The following VHL variants were observed in gnomAD, a reference collection of about 807,000 sequenced individuals.
The protein encoded by VHL is von Hippel-Lindau disease tumor suppressor.
In VHL, 10 loss-of-function variants were observed where a neutral mutation model predicts 19.2. The ratio of observed to expected loss-of-function variants is 0.52; its 90% CI spans 0.32 to 0.89. The LOEUF (loss-of-function observed/expected upper bound fraction) is 0.89, where lower values mean the gene tolerates loss of function less well. Ranked by LOEUF, VHL falls within the 40% of genes least tolerant of loss-of-function variation. The probability of loss-of-function intolerance (pLI) is 0.03; values close to 1 mark genes in which losing one functional copy is unlikely to be tolerated. For synonymous variants in VHL, 167 were observed against 129.5 expected, an observed-to-expected ratio of 1.29 and a Z score of -1.97; for missense variants, 328 against 292.7, an observed-to-expected ratio of 1.12 and a Z score of -0.88.
chr3:10,149,195 C>T (rs1331857457), intron 2 of VHL, among the ~76,000 whole-genome samples: 1 of 151,826 alleles, frequency 6.6e-6, no homozygotes, highest in African/African-American at 2.4e-5. Context: ...TCACTGCAAC[C>T]TCTGCCTCCA....
In VHL at chr3:10,152,703, G is replaced by C. The variant is rs886057745; in HGVS notation, c.*2738G>C. ...GACGGGGTTTCACCATGTTGTCCAG[G>C]ATGGTCTTGATCTCCTGACCTTGTG... On this transcript the variant is annotated 3_prime_UTR_variant, in exon 3 of 3. Coordinates refer to ENST00000256474, the MANE Select transcript of VHL (RefSeq NM_000551.4). Among the ~76,000 whole-genome samples the C allele has an allele frequency of 6.6e-6, 1 of 151,304 alleles. No homozygotes were observed. The highest frequency in any genetic ancestry group is 1.5e-5 in the Non-Finnish European group (1 of 67,872).
At position 10,153,145 on chromosome 3, in the gene VHL, G is replaced by A. The variant is rs1287465321; in HGVS notation, c.*3180G>A. On this transcript the variant is annotated 3_prime_UTR_variant, in exon 3 of 3. Transcript: ENST00000256474. ...TAGAAAAAATTAGGCGGGCGTGGTGGTGAGCGCCTGTAGTCCCAGCTACTC... is the reference window on the plus strand; with the variant it reads ...TAGAAAAAATTAGGCGGGCGTGGTGATGAGCGCCTGTAGTCCCAGCTACTC... Among the ~76,000 whole-genome samples, 3 of 152,148 alleles carry A rather than the reference G, an allele frequency of 2.0e-5. No homozygotes were observed. The highest frequency in any genetic ancestry group is 4.4e-5 in the Non-Finnish European group (3 of 68,022).
At chr3:10,148,395 AG>A (rs1696317202) in intron 2 of VHL, among the ~76,000 whole-genome samples, 1 of 144,882 alleles carries the variant, frequency 6.9e-6, no homozygotes, top group Non-Finnish European at 1.5e-5. Flanking sequence ...GCTCACTGCA[AG>A]CTCCGCCTCC....
In VHL at chr3:10,147,782, A is replaced by C. The variant is rs149698596; in HGVS notation, c.463+1146A>C. ...AACTGATGTTCCTGTGGGTAAAAAA[A>C]ACCTCACTAAAGACCAGCAGTGTGT... On this transcript the variant is annotated intron_variant, in intron 2 of 2. Transcript: ENST00000256474. Among the ~76,000 whole-genome samples the C allele has an allele frequency of 6.6e-5, 10 of 152,138 alleles. No homozygotes were observed. In the East Asian group the frequency reaches 1.9e-3, roughly 29 times the overall value.
At position 10,141,965 on chromosome 3, in the gene VHL, C is replaced by A. The variant is rs776399733; in HGVS notation, c.118C>A (p.Pro40Thr). ...GGAGTCGGGCGCCGAGGAGTCCGGC[C>A]CGGAAGAGTCCGGCCCGGAGGAACT... is the stretch of plus-strand genomic sequence containing the variant. ...GEESGAEESG[P>T]EESGPEELGA... The change falls in exon 1 of 3, where the codon CCG (proline) becomes ACG (threonine). Residue 40 changes from proline to threonine, a missense_variant. Coordinates refer to ENST00000256474, the MANE Select transcript of VHL (RefSeq NM_000551.4). The A allele has an allele frequency of 1.9e-6, 3 of 1,553,930 alleles. No homozygotes were observed. The highest frequency in any genetic ancestry group is 2.6e-6 in the Non-Finnish European group (3 of 1,149,804).
rs1696451761 is a variant in VHL, at chr3:10,152,967, A to G, written c.*3002A>G. On this transcript the variant is annotated 3_prime_UTR_variant, in exon 3 of 3. Transcript: ENST00000256474. The stretch of plus-strand genomic sequence containing the variant: ...AGACCAGCCTGGCTAACATGGTGAA[A>G]CCTCATCTCCACTTAAAATACAAAA... 6.7e-6 allele frequency among the ~76,000 whole-genome samples: 1 copy of G among 148,750 alleles called. No homozygotes were observed. Among genetic ancestry groups the G allele is most frequent in the African/African-American group, 2.5e-5 (1 of 40,110 alleles).
In VHL at chr3:10,150,772, T is replaced by A. The variant is rs1387284675; in HGVS notation, c.*807T>A. On this transcript the variant is annotated 3_prime_UTR_variant, in exon 3 of 3. Coordinates refer to ENST00000256474, the MANE Select transcript of VHL (RefSeq NM_000551.4). ...TCCGCACAGAAAATACGAGAAAATCTGCATGTTTGATTATAGTATTAATGG... is the reference window on the plus strand; with the variant it reads ...TCCGCACAGAAAATACGAGAAAATCAGCATGTTTGATTATAGTATTAATGG... The A allele has an allele frequency of 4.3e-6, 1 of 233,156 alleles. No individual in the cohort carries two copies. Among genetic ancestry groups the A allele is most frequent in the African/African-American group, 2.2e-5 (1 of 45,346 alleles). The allele number at this position is 233,156 out of a possible 1,614,324, so 14.4% of individuals were successfully genotyped here.
Position 10,141,851 on chromosome 3 carries a change from C to T in VHL, c.4C>T (p.Pro2Ser), listed in dbSNP as rs1034974221. 6.5e-6 allele frequency: 10 copies of T among 1,535,440 alleles called. No individual in the cohort carries two copies. Among genetic ancestry groups the T allele is most frequent in the Admixed American group, 2.0e-5 (1 of 49,222 alleles). Residue 2 changes from proline (P) to serine (S), a missense_variant, in exon 1 of 3, where the codon CCC becomes TCC. Pro to Ser is a moderately conservative substitution (Grantham distance 74). Coordinates refer to ENST00000256474, the MANE Select transcript of VHL (RefSeq NM_000551.4). Reference sequence around the variant, plus strand: ...GGTGGTCTGGATCGCGGAGGGAATGCCCCGGAGGGCGGAGAACTGGGACGA... The same window carrying T: ...GGTGGTCTGGATCGCGGAGGGAATGTCCCGGAGGGCGGAGAACTGGGACGA... Reference protein sequence around the residue: MPRRAENWDEAE... With the variant: MSRRAENWDEAE...
Position 10,141,821 on chromosome 3 carries a change from G to A in VHL, c.-27G>A, listed in dbSNP as rs771880989. On this transcript the variant is annotated 5_prime_UTR_variant, in exon 1 of 3. Transcript: ENST00000256474. The stretch of plus-strand genomic sequence containing the variant: ...CGACCCGCGGATCCCGCGGCGTCCG[G>A]CCCGGGTGGTCTGGATCGCGGAGGG... The A allele has an allele frequency of 5.9e-6, 9 of 1,536,680 alleles. No homozygotes were observed. The highest frequency in any genetic ancestry group is 4.6e-4 in the Middle Eastern group (2 of 4,344).
chr3:10,148,518 T>G (rs1016149455), intron 2 of VHL, among the ~76,000 whole-genome samples: 5 of 150,662 alleles, frequency 3.3e-5, no homozygotes, highest in South Asian at 2.1e-4. Context: ...GTTTCACCGT[T>G]TTAGCCGGGA....
intron 2 of VHL, among the ~76,000 whole-genome samples, chr3:10,147,211 C>T (rs779824452): frequency 5.3e-5 from 8 of 151,898 alleles, no homozygotes; most frequent in Non-Finnish European, 1.0e-4. Context: ...GGGGTTTCAC[C>T]GTGTTAGCCA....
chr3:10,145,661 G>A (rs529534578), intron 1 of VHL, among the ~76,000 whole-genome samples: 128 of 148,380 alleles, frequency 8.6e-4, no homozygotes, highest in African/African-American at 3.0e-3. Context: ...AGCCGAGATC[G>A]TGCCACTGCA....
At position 10,150,136 on chromosome 3, in the gene VHL, G is replaced by A. The variant is rs550114475; in HGVS notation, c.*171G>A. ...AACTGACTTCACTAGGCATTGTGAT[G>A]TTTAGGGGCAAACATCACAAAATGT... is the stretch of plus-strand genomic sequence containing the variant. On this transcript the variant is annotated 3_prime_UTR_variant, in exon 3 of 3. Transcript: ENST00000256474. 5.2e-5 allele frequency: 78 copies of A among 1,487,998 alleles called. No homozygotes were observed. The African/African-American group carries it at 9.8e-4, about 19-fold the overall frequency. The allele number at this position is 1,487,998 out of a possible 1,614,324, so 92.2% of individuals were successfully genotyped here. A position where few individuals can be genotyped will look rare whatever the true frequency, so the allele number is the denominator to read the frequency against.
In VHL at chr3:10,142,005, A is replaced by G. The variant is rs2125124854; in HGVS notation, c.158A>G (p.Glu53Gly). The G allele has an allele frequency of 6.3e-7, 1 of 1,585,660 alleles. No homozygotes were observed. The highest frequency in any genetic ancestry group is 8.6e-7 in the Non-Finnish European group (1 of 1,167,620). The change falls in exon 1 of 3, where the codon GAG becomes GGG. Residue 53 changes from glutamate (E) to glycine (G), a missense_variant. Coordinates refer to ENST00000256474, the MANE Select transcript of VHL (RefSeq NM_000551.4). ...SGPEELGAEE[E>G]MEAGRPRPVL... ...CCGGAGGAACTGGGCGCCGAGGAGGAGATGGAGGCCGGGCGGCCGCGGCCC... is the reference window on the plus strand; with the variant it reads ...CCGGAGGAACTGGGCGCCGAGGAGGGGATGGAGGCCGGGCGGCCGCGGCCC...
rs758853661 is a variant in VHL, at chr3:10,149,933, G to C, written c.610G>C (p.Glu204Gln). Residue 204 changes from glutamate (E) to glutamine (Q), a missense_variant, in exon 3 of 3, where the codon GAG becomes CAG. Physicochemically the swap from Glu to Gln is conservative, Grantham distance 29. Transcript: ENST00000256474. ...GAAAGACCTGGAGCGGCTGACACAG[G>C]AGCGCATTGCACATCAACGGATGGG... ...VQKDLERLTQ[E>Q]RIAHQRMGD The C allele has an allele frequency of 3.7e-6, 6 of 1,614,142 alleles. No homozygotes were observed. The highest frequency in any genetic ancestry group is 5.1e-6 in the Non-Finnish European group (6 of 1,180,028).
At chr3:10,148,959 C>T (rs1278202794) in intron 2 of VHL, among the ~76,000 whole-genome samples, 3 of 151,972 alleles carry the variant, frequency 2.0e-5, no homozygotes, top group Non-Finnish European at 4.4e-5. Flanking sequence ...AGGCGTGAGC[C>T]ACTGCGCCCA....
intron 2 of VHL, among the ~76,000 whole-genome samples, chr3:10,147,666 G>GTT (rs745799758): frequency 1.1e-4 from 16 of 140,726 alleles, no homozygotes; most frequent in African/African-American, 1.8e-4. Flanking sequence ...CGTCCAGCCT[G>GTT]TTTTTTTTTT....
rs1696108877 is a variant in VHL, at chr3:10,141,796, C to A, written c.-52C>A. The A allele has an allele frequency of 6.5e-7, 1 of 1,532,808 alleles. No homozygotes were observed. The highest frequency in any genetic ancestry group is 2.5e-5 in the East Asian group (1 of 40,500). The allele number at this position is 1,532,808 out of a possible 1,614,324, so 95.0% of individuals were successfully genotyped here. On this transcript the variant is annotated 5_prime_UTR_variant, in exon 1 of 3. Coordinates refer to ENST00000256474, the MANE Select transcript of VHL (RefSeq NM_000551.4). ...CGCGCACGCAGCTCCGCCCCGCGTC[C>A]GACCCGCGGATCCCGCGGCGTCCGG...
intron 2 of VHL, 49 bp downstream of exon 2, chr3:10,146,685 A>C (rs1201329979): frequency 1.2e-6 from 2 of 1,608,966 alleles, no homozygotes; most frequent in Non-Finnish European, 1.7e-6. Flanking sequence ...TGGTAAGTAC[A>C]GGATAGACCA....
Sources: allele counts gnomAD v4.1 joint callset (sites outside exome capture counted in the v4.1 genomes callset), GRCh38; gene constraint gnomAD v4.1.1; transcripts MANE v1.5; gene names NCBI Gene and HGNC (gene_info 2026-07-23, HGNC 2026-07-21).